The following SREBF1 variants were observed in gnomAD, a reference collection of about 807,000 sequenced individuals.
The protein encoded by SREBF1 is sterol regulatory element-binding protein 1.
In SREBF1, 45 loss-of-function variants were observed where a neutral mutation model predicts 100.1. The ratio of observed to expected loss-of-function variants is 0.45; its 90% CI spans 0.35 to 0.58. The LOEUF is 0.58. Ranked by LOEUF, SREBF1 falls within the 20% of genes least tolerant of loss-of-function variation. The pLI, the probability that SREBF1 is intolerant of heterozygous loss-of-function variation, is 0.00. For synonymous variants in SREBF1, 657 were observed against 681.8 expected, an observed-to-expected ratio of 0.96 and a Z score of 0.57; for missense variants, 1,324 against 1,539.4, an observed-to-expected ratio of 0.86 and a Z score of 2.34.
intron 1 of SREBF1, among the ~76,000 whole-genome samples, chr17:17,821,062 C>T (rs2034062831): frequency 6.6e-6 from 1 of 152,146 alleles, no homozygotes; most frequent in Non-Finnish European, 1.5e-5. Flanking sequence ...TGGGAGTGTC[C>T]TGTAGCTTGA....
At chr17:17,832,846 G>A (rs1029517116) in intron 1 of SREBF1, among the ~76,000 whole-genome samples, 57 of 151,922 alleles carry the variant, frequency 3.8e-4, no homozygotes, top group African/African-American at 1.3e-3. Context: ...GTGTGAACCC[G>A]GGAGGCGGAG....
chr17:17,816,554 CCCTGCCCGG>C lies in SREBF1; in HGVS notation c.1941_1949del (p.Arg648_Gly650del), dbSNP rs945450558. 3 of 1,603,524 alleles carry C rather than the reference CCCTGCCCGG, an allele frequency of 1.9e-6. No homozygotes were observed. The highest frequency in any genetic ancestry group is 2.7e-5 in the African/African-American group (2 of 74,842). On this transcript the variant is annotated inframe_deletion, in exon 10 of 19. Transcript: ENST00000261646. ...GCAGAGCACAGTCCTGCTGCAGGCC[CCCTGCCCGG>C]CCTGCCAGCCAGCGGCCCACCCAGA...
chr17:17,812,663 G>T lies in SREBF1; in HGVS notation c.3403C>A (p.Leu1135Ile). ...GTGGTCCCACCGCCCAGGCGCATGA[G>T]CATCTGCTGACAGTCGTGCAGCAGC... ...RRLLHDCQQM[L>I]MRLGGGTTVT... The change falls in exon 19 of 19, where the codon CTC (leucine) becomes ATC (isoleucine). Residue 1135 changes from leucine to isoleucine, a missense_variant. By Grantham distance (5) the Leu-to-Ile change is conservative. Coordinates refer to ENST00000261646, the MANE Select transcript of SREBF1 (RefSeq NM_004176.5). The T allele has an allele frequency of 6.2e-7, 1 of 1,608,756 alleles. No homozygotes were observed. The highest frequency in any genetic ancestry group is 8.5e-7 in the Non-Finnish European group (1 of 1,177,970).
Position 17,811,535 on chromosome 17 carries a change from CTGG to C in SREBF1, c.*1084_*1086del, listed in dbSNP as rs1378497190. ...TGGGGAATGGGAATGAAGGGAGGGGCTGGGGGGGGGGGCATGAATGGAGTCAGG... is the reference window on the plus strand; with the variant it reads ...TGGGGAATGGGAATGAAGGGAGGGGCGGGGGGGGGCATGAATGGAGTCAGG... On this transcript the variant is annotated 3_prime_UTR_variant, in exon 19 of 19. Coordinates refer to ENST00000261646, the MANE Select transcript of SREBF1 (RefSeq NM_004176.5). The C allele has an allele frequency of 5.5e-6, 1 of 181,192 alleles. No individual in the cohort carries two copies. The highest frequency in any genetic ancestry group is 8.3e-5 in the African/African-American group (1 of 12,090). 11.2% of individuals were successfully genotyped at this position (181,192 alleles called of 1,614,324 possible).
chr17:17,815,780 C>A, intron 12 of SREBF1, 80 bp downstream of exon 12: 2 of 1,467,834 alleles, frequency 1.4e-6, no homozygotes, highest in South Asian at 1.2e-5. Context: ...CAGAGACAGC[C>A]AGAGATTCAG....
rs778335677 is a variant in SREBF1 at position 17,817,409 on chromosome 17, G to A, written c.1453C>T (p.Arg485Cys). 6.2e-5 allele frequency: 99 copies of A among 1,598,854 alleles called. No homozygotes were observed. The highest frequency in any genetic ancestry group is 1.0e-4 in the Admixed American group (6 of 58,270). ...PSLHSRGMLD[R>C]SRLALCTLVF... ...AGCGTGCACAGGGCCAGGCGGGAGC[G>A]GTCCAGCATGCCCCGGCTGTGCAGA... Residue 485 changes from arginine to cysteine, a missense_variant, in exon 8 of 19, where the codon CGC becomes TGC. Arg to Cys is a radical substitution (Grantham distance 180). Transcript: ENST00000261646. The surrounding 1 kb of genome is among the most constrained non-coding windows in gnomAD (Gnocchi z 6.6).
Position 17,812,516 on chromosome 17 carries a change from A to AGAGT in SREBF1, c.*102_*105dup, listed in dbSNP as rs1491312929. On this transcript the variant is annotated 3_prime_UTR_variant, in exon 19 of 19. Coordinates refer to ENST00000261646, the MANE Select transcript of SREBF1 (RefSeq NM_004176.5). ...AGCCGCAGGTCGAACTGTGGAGGCC[A>AGAGT]GAGTCTCTTGCACTGCCTTCGGCCT... 1 of 1,189,226 alleles carries AGAGT rather than the reference A, an allele frequency of 8.4e-7. No individual in the cohort carries two copies. The highest frequency in any genetic ancestry group is 1.5e-5 in the African/African-American group (1 of 65,028). 73.7% of individuals were successfully genotyped at this position (1,189,226 alleles called of 1,614,324 possible). A position where few individuals can be genotyped will look rare whatever the true frequency, so the allele number is the denominator to read the frequency against.
chr17:17,823,384 T>C, intron 1 of SREBF1: 1 of 758,364 alleles, frequency 1.3e-6, no homozygotes, highest in East Asian at 2.6e-5. Flanking sequence ...AGCTGGTAAC[T>C]GTCACACCTT....
In SREBF1 at chr17:17,813,480, C is replaced by T; in HGVS notation, c.3103-1G>A. 1 of 1,597,012 alleles carries T rather than the reference C, an allele frequency of 6.3e-7. No individual in the cohort carries two copies. Among genetic ancestry groups the T allele is most frequent in the Middle Eastern group, 1.7e-4 (1 of 6,040 alleles). On this transcript the variant is annotated splice_acceptor_variant, in intron 17 of 18. Transcript: ENST00000261646. LOFTEE classifies it high-confidence loss of function. Reference sequence around the variant, plus strand: ...GGGCCGTGGCCTCATGTAGGAACACCTGGGGGCCAGGAGAGTGGAGGCTCA... The same window carrying T: ...GGGCCGTGGCCTCATGTAGGAACACTTGGGGGCCAGGAGAGTGGAGGCTCA...
Position 17,819,596 on chromosome 17 carries a change from G to A in SREBF1, c.653C>T (p.Ala218Val). Residue 218 changes from alanine to valine, a missense_variant, in exon 3 of 19, where the codon GCT becomes GTT. Physicochemically the swap from Ala to Val is moderately conservative, Grantham distance 64. Coordinates refer to ENST00000261646, the MANE Select transcript of SREBF1 (RefSeq NM_004176.5). Reference sequence around the variant, plus strand: ...CGTTACAGGGGCTGCCGTGGGGGCAGCTGTGACTGTCAGTAGCTGCTGGGG... The same window carrying A: ...CGTTACAGGGGCTGCCGTGGGGGCAACTGTGACTGTCAGTAGCTGCTGGGG... ...VVPQQLLTVT[A>V]APTAAPVTTT... 2 of 1,613,794 alleles carry A rather than the reference G, an allele frequency of 1.2e-6. No individual in the cohort carries two copies. The highest frequency in any genetic ancestry group is 1.7e-6 in the Non-Finnish European group (2 of 1,179,966).
rs962392379 is a variant in SREBF1 at position 17,815,336 on chromosome 17, AG to A, written c.2384-8del. 8 of 1,611,694 alleles carry A rather than the reference AG, an allele frequency of 5.0e-6. No individual in the cohort carries two copies. The African/African-American group carries it at 1.1e-4, about 22-fold the overall frequency. On this transcript the variant is annotated splice_polypyrimidine_tract_variant and splice_region_variant and intron_variant, in intron 12 of 18. Coordinates refer to ENST00000261646, the MANE Select transcript of SREBF1 (RefSeq NM_004176.5). ...ACCTGGGCCAGGGGGTCCACTGTGG[AG>A]AGGAGGAGGTGAGTGGGGTGGGGAG...
chr17:17,826,026 C>T (rs1045872199), intron 1 of SREBF1, among the ~76,000 whole-genome samples: 1 of 152,236 alleles, frequency 6.6e-6, no homozygotes, highest in Non-Finnish European at 1.5e-5. Flanking sequence ...CATGCCAGGC[C>T]CTGCTCTTCC....
At position 17,811,847 on chromosome 17, in the gene SREBF1, GAC is replaced by G. The variant is rs959076343; in HGVS notation, c.*773_*774del. 8.3e-5 allele frequency: 37 copies of G among 444,720 alleles called. No individual in the cohort carries two copies. The highest frequency in any genetic ancestry group is 7.5e-4 in the African/African-American group (37 of 49,444). 27.5% of individuals were successfully genotyped at this position (444,720 alleles called of 1,614,324 possible). A position where few individuals can be genotyped will look rare whatever the true frequency, so the allele number is the denominator to read the frequency against. ...TGACCCCATGGAGGCCCTAAGGGTT[GAC>G]ACAGCCCAACCATGTGCCCTGGGAG... is the stretch of plus-strand genomic sequence containing the variant. On this transcript the variant is annotated 3_prime_UTR_variant, in exon 19 of 19. Coordinates refer to ENST00000261646, the MANE Select transcript of SREBF1 (RefSeq NM_004176.5).
intron 1 of SREBF1, among the ~76,000 whole-genome samples, chr17:17,836,189 G>T (rs971017470): frequency 2.0e-5 from 3 of 152,286 alleles, no homozygotes; most frequent in African/African-American, 7.2e-5. Context: ...GGATGTCAGT[G>T]AATGAGTGCG....
rs1251122040 is a variant in SREBF1 at position 17,820,393 on chromosome 17, G to C, written c.220C>G (p.Pro74Ala). The C allele has an allele frequency of 6.2e-7, 1 of 1,612,658 alleles. No individual in the cohort carries two copies. Among genetic ancestry groups the C allele is most frequent in the Admixed American group, 1.7e-5 (1 of 60,004 alleles). ...PDTSSPGSLSPPPATLSSSLE... is the reference protein window; with the variant it reads ...PDTSSPGSLSAPPATLSSSLE... The stretch of plus-strand genomic sequence containing the variant: ...GAGGAGCTCAATGTGGCAGGAGGTG[G>C]AGACAAGCTGCCTGGGGAGCTGGTA... The change falls in exon 2 of 19, where the codon CCA becomes GCA. Residue 74 changes from proline (P) to alanine (A), a missense_variant. Physicochemically the swap from Pro to Ala is conservative, Grantham distance 27. Coordinates refer to ENST00000261646, the MANE Select transcript of SREBF1 (RefSeq NM_004176.5).
chr17:17,833,724 C>G (rs906857648), intron 1 of SREBF1, among the ~76,000 whole-genome samples: 1 of 152,028 alleles, frequency 6.6e-6, no homozygotes, highest in Non-Finnish European at 1.5e-5. Flanking sequence ...GGTTCATGCC[C>G]TGTAATCCCA....
In SREBF1 at chr17:17,815,443, G is replaced by T; in HGVS notation, c.2384-114C>A. ...ACACCTAGGGCCACTGGGAAGTGCC[G>T]GCATGCCCCTGGGTGCAGCCCCTGC... is the stretch of plus-strand genomic sequence containing the variant. On this transcript the variant is annotated intron_variant, in intron 12 of 18. Coordinates refer to ENST00000261646, the MANE Select transcript of SREBF1 (RefSeq NM_004176.5). 3.6e-6 allele frequency: 3 copies of T among 827,802 alleles called. No individual in the cohort carries two copies. In the South Asian group the frequency reaches 4.6e-5, roughly 13 times the overall value. The allele number at this position is 827,802 out of a possible 1,614,324, so 51.3% of individuals were successfully genotyped here.
At chr17:17,813,250 T>A in intron 18 of SREBF1, 118 bp downstream of exon 18, 1 of 1,108,704 alleles carries the variant, frequency 9.0e-7, no homozygotes, top group Non-Finnish European at 1.3e-6. Flanking sequence ...TGTGAGCCAC[T>A]GCGCCAGGCC....
intron 1 of SREBF1, among the ~76,000 whole-genome samples, chr17:17,823,909 C>G (rs1321826409): frequency 6.6e-6 from 1 of 152,188 alleles, no homozygotes; most frequent in South Asian, 2.1e-4. Flanking sequence ...TTAACCCGCT[C>G]GGTGCCAGCG....
Sources: allele counts gnomAD v4.1 joint callset (sites outside exome capture counted in the v4.1 genomes callset), GRCh38; gene constraint gnomAD v4.1.1; non-coding constraint Gnocchi (gnomAD v3.1); transcripts MANE v1.5; gene names NCBI Gene and HGNC (gene_info 2026-07-23, HGNC 2026-07-21).